PTMA: variants seen among roughly 807,000 people sequenced by gnomAD.
PTMA encodes prothymosin alpha.
A neutral mutation model predicts 16.9 loss-of-function variants in PTMA; 4 were observed. That is an observed-to-expected ratio of 0.24 (90% CI 0.12 to 0.54). PTMA has a LOEUF of 0.54. Ranked by LOEUF, PTMA falls within the 20% of genes least tolerant of loss-of-function variation. PTMA has a pLI of 0.95. For synonymous variants in PTMA, 58 were observed against 47.9 expected (o/e 1.21, Z -0.87); for missense variants, 120 against 137.7 (o/e 0.87, Z 0.64).
chr2:231,708,842 C>T (rs2048474675), intron 1 of PTMA, 91 bp downstream of exon 1: 5 of 1,434,074 alleles, frequency 3.5e-6, no homozygotes, highest in East Asian at 2.5e-5. Context: ...CTCAAGCCCG[C>T]TGTTGCTCCC....
chr2:231,710,150 G>T, intron 1 of PTMA: 1 of 1,258,834 alleles, frequency 7.9e-7, no homozygotes, highest in African/African-American at 1.5e-5. Flanking sequence ...GGACTTTGGG[G>T]CGACCTCCCG....
At chr2:231,710,384 C>T (rs1372642461) in intron 1 of PTMA, 3 of 1,179,912 alleles carry the variant, frequency 2.5e-6, no homozygotes, top group Non-Finnish European at 3.2e-6. Context: ...GCCCGCCGGG[C>T]GGGGGATGCG....
intron 1 of PTMA, 41 bp downstream of exon 1, chr2:231,708,792 CGCCGCTCGG>C: frequency 6.3e-7 from 1 of 1,592,692 alleles, no homozygotes; most frequent in Non-Finnish European, 8.5e-7. Flanking sequence ...GTCCGCGCGC[CGCCGCTCGG>C]GCGGTGTTTG....
Position 231,708,589 on chromosome 2 carries a change from A to G in PTMA, c.-118A>G. 1 of 1,279,730 alleles carries G rather than the reference A, an allele frequency of 7.8e-7. No homozygotes were observed. Among genetic ancestry groups the G allele is most frequent in the Non-Finnish European group, 1.1e-6 (1 of 896,266 alleles). 79.3% of individuals were successfully genotyped at this position (1,279,730 alleles called of 1,614,324 possible). On this transcript the variant is annotated 5_prime_UTR_variant, in exon 1 of 5. Coordinates refer to ENST00000409115, the MANE Select transcript of PTMA (RefSeq NM_002823.5). ...CCTCATCCGCCTCCTTGCTCGCCGC[A>G]GCCGCCTCCGCCGCGCGCCTCCTCC...
Position 231,712,494 on chromosome 2 carries a change from A to G in PTMA, c.263A>G (p.Lys88Arg). The G allele has an allele frequency of 6.2e-7, 1 of 1,614,196 alleles. No homozygotes were observed. Among genetic ancestry groups the G allele is most frequent in the Non-Finnish European group, 8.5e-7 (1 of 1,180,026 alleles). Reference sequence around the variant, plus strand: ...GAGGAAGCTGAGTCAGCTACGGGCAAGCGGGCAGCTGAAGATGATGAGGTG... The same window carrying G: ...GAGGAAGCTGAGTCAGCTACGGGCAGGCGGGCAGCTGAAGATGATGAGGTG... ...EDEEAESATG[K>R]RAAEDDEDDD... Residue 88 changes from lysine (K) to arginine (R), a missense_variant, in exon 4 of 5, where the codon AAG (lysine) becomes AGG (arginine). By Grantham distance (26) the Lys-to-Arg change is conservative. Coordinates refer to ENST00000409115, the MANE Select transcript of PTMA (RefSeq NM_002823.5).
chr2:231,708,579 T>C lies in PTMA; in HGVS notation c.-128T>C, dbSNP rs1025493073. ...TTGCATTGTTCCTCATCCGCCTCCT[T>C]GCTCGCCGCAGCCGCCTCCGCCGCG... On this transcript the variant is annotated 5_prime_UTR_variant, in exon 1 of 5. Coordinates refer to ENST00000409115, the MANE Select transcript of PTMA (RefSeq NM_002823.5). 75 of 1,138,028 alleles carry C rather than the reference T, an allele frequency of 6.6e-5. No individual in the cohort carries two copies. The highest frequency in any genetic ancestry group is 9.3e-5 in the Non-Finnish European group (72 of 770,766). The allele number at this position is 1,138,028 out of a possible 1,614,324, so 70.5% of individuals were successfully genotyped here. A position where few individuals can be genotyped will look rare whatever the true frequency, so the allele number is the denominator to read the frequency against.
intron 2 of PTMA, 27 bp downstream of exon 2, chr2:231,711,446 C>T (rs775940105): frequency 3.7e-6 from 6 of 1,610,290 alleles, no homozygotes; most frequent in South Asian, 3.3e-5. Flanking sequence ...CTCCTGAGCC[C>T]TGGCAGCTAC....
Position 231,712,022 on chromosome 2 carries a change from T to C in PTMA, c.211+39T>C, listed in dbSNP as rs370167584. ...TCTATCTTCCCCTTTTCAGGTACTT[T>C]TTCCTGGCCTTGTCTGGCAGAAGGG... On this transcript the variant is annotated intron_variant, in intron 3 of 4. Transcript: ENST00000409115. 8.4e-6 allele frequency: 13 copies of C among 1,550,854 alleles called. No homozygotes were observed. In the African/African-American group the frequency reaches 1.8e-4, roughly 21 times the overall value.
chr2:231,712,061 G>A lies in PTMA; in HGVS notation c.211+78G>A, dbSNP rs1559289246. ...CTGGCAGAAGGGGAAGGAAGGAATTGGGGCTCCTGGGAGTGGGACAATGGT... is the reference window on the plus strand; with the variant it reads ...CTGGCAGAAGGGGAAGGAAGGAATTAGGGCTCCTGGGAGTGGGACAATGGT... On this transcript the variant is annotated intron_variant, in intron 3 of 4. Transcript: ENST00000409115. 1.9e-6 allele frequency: 3 copies of A among 1,545,004 alleles called. No homozygotes were observed. In the East Asian group the frequency reaches 7.4e-5, roughly 38 times the overall value.
intron 1 of PTMA, chr2:231,710,185 A>G: frequency 7.7e-7 from 1 of 1,300,784 alleles, no homozygotes; most frequent in Non-Finnish European, 9.9e-7. Flanking sequence ...CCGAATGCAG[A>G]CATTCGGGCC....
Position 231,711,990 on chromosome 2 carries a change from A to G in PTMA, c.211+7A>G. ...GAGGAAGAAGAAGGTGATGGTGAGT[A>G]GCCTTGTCTATCTTCCCCTTTTCAG... On this transcript the variant is annotated splice_region_variant and intron_variant, in intron 3 of 4. Coordinates refer to ENST00000409115, the MANE Select transcript of PTMA (RefSeq NM_002823.5). The G allele has an allele frequency of 1.3e-6, 2 of 1,560,878 alleles. No homozygotes were observed. The highest frequency in any genetic ancestry group is 1.7e-6 in the Non-Finnish European group (2 of 1,152,042).
intron 2 of PTMA, 112 bp from the exon 3 acceptor site, chr2:231,711,778 C>T (rs2048521483): frequency 4.6e-6 from 7 of 1,535,528 alleles, no homozygotes; most frequent in Non-Finnish European, 6.1e-6. Context: ...CTTGGCTTGG[C>T]TGGGCTGTAG....
intron 3 of PTMA, 95 bp from the exon 4 acceptor site, chr2:231,712,348 C>A: frequency 1.5e-6 from 2 of 1,297,288 alleles, no homozygotes; most frequent in Non-Finnish European, 2.2e-6. Flanking sequence ...AGAGGCAGGG[C>A]AGGGACCTTG....
In PTMA at chr2:231,708,851, C is replaced by T. The variant is rs142680297; in HGVS notation, c.45+100C>T. ...GACTGTCTCAAGCCCGCTGTTGCTC[C>T]CTCTCGCGGGGAAACGGCCCGCCCC... On this transcript the variant is annotated intron_variant, in intron 1 of 4. Transcript: ENST00000409115. 8.7e-3 allele frequency: 12,150 copies of T among 1,401,830 alleles called. 64 individuals are homozygous for T. The highest frequency in any genetic ancestry group is 0.012 in the Middle Eastern group (57 of 4,760). 86.8% of individuals were successfully genotyped at this position (1,401,830 alleles called of 1,614,324 possible). A position where few individuals can be genotyped will look rare whatever the true frequency, so the allele number is the denominator to read the frequency against.
intron 1 of PTMA, chr2:231,711,047 G>C: frequency 3.2e-6 from 1 of 314,664 alleles, no homozygotes; most frequent in Non-Finnish European, 6.0e-6. Flanking sequence ...CGGGCTGGGG[G>C]CTGTGGCGCC....
intron 1 of PTMA, chr2:231,710,245 C>A: frequency 7.5e-7 from 1 of 1,331,872 alleles, no homozygotes. Context: ...GGCCGACCGA[C>A]GCGCGACCCG....
chr2:231,710,009 G>A (rs1211790683), intron 1 of PTMA: 1 of 1,148,644 alleles, frequency 8.7e-7, no homozygotes, highest in Non-Finnish European at 1.1e-6. Context: ...TGTGGGGTGA[G>A]AACACCGTCC....
At position 231,712,000 on chromosome 2, in the gene PTMA, A is replaced by G. The variant is rs370907932; in HGVS notation, c.211+17A>G. On this transcript the variant is annotated intron_variant, in intron 3 of 4. Coordinates refer to ENST00000409115, the MANE Select transcript of PTMA (RefSeq NM_002823.5). The stretch of plus-strand genomic sequence containing the variant: ...AAGGTGATGGTGAGTAGCCTTGTCT[A>G]TCTTCCCCTTTTCAGGTACTTTTTC... 95 of 1,556,668 alleles carry G rather than the reference A, an allele frequency of 6.1e-5. No individual in the cohort carries two copies. Among genetic ancestry groups the G allele is most frequent in the African/African-American group, 1.9e-4 (14 of 73,338 alleles).
At chr2:231,708,876 C>A (rs1300097462) in intron 1 of PTMA, 125 bp downstream of exon 1, 2 of 1,193,072 alleles carry the variant, frequency 1.7e-6, no homozygotes, top group Non-Finnish European at 2.3e-6. Flanking sequence ...CGGCCCGCCC[C>A]CGGCGCGGTG....
Sources: gnomAD v4.1 joint callset for allele counts on GRCh38, gnomAD v4.1.1 for gene constraint, MANE v1.5 for transcripts, NCBI Gene and HGNC (gene_info 2026-07-23, HGNC 2026-07-21) for gene names.